The following SLC5A4 variants were observed in gnomAD, a reference collection of about 807,000 sequenced individuals.
SLC5A4 encodes the protein probable glucose sensor protein SLC5A4.
SLC5A4 carries 55 observed loss-of-function variants against 70.3 expected under a neutral mutation model. That is an observed-to-expected ratio of 0.78 (90% confidence interval 0.63 to 0.98). The LOEUF is 0.98. Among genes scored for constraint, SLC5A4 ranks in the 50% least tolerant of loss-of-function variants. The probability of loss-of-function intolerance (pLI) is 0.00; values close to 1 mark genes in which losing one functional copy is unlikely to be tolerated. For synonymous variants in SLC5A4, 268 were observed against 305.7 expected (o/e 0.88, Z 1.29); for missense variants, 735 against 839.2 (o/e 0.88, Z 1.53).
the SLC5A4 span, among the ~76,000 whole-genome samples, chr22:32,345,485 A>G: frequency 3.9e-5 from 6 of 152,326 alleles, no homozygotes; most frequent in Middle Eastern, 6.8e-3. Context: ...TTTAAAAACA[A>G]TAATTTGAGT....
At chr22:32,261,278 C>G in the SLC5A4 span, among the ~76,000 whole-genome samples, 2 of 152,208 alleles carry the variant, frequency 1.3e-5, no homozygotes, top group African/African-American at 4.8e-5. Context: ...GCTCCCTCTG[C>G]CATTGCAACC....
chr22:32,261,758 T>TA, the SLC5A4 span, among the ~76,000 whole-genome samples: 1 of 152,254 alleles, frequency 6.6e-6, no homozygotes, highest in Non-Finnish European at 1.5e-5. Flanking sequence ...TGCTATCAAA[T>TA]AGTATGTTTT....
At chr22:32,289,623 C>G in the SLC5A4 span, among the ~76,000 whole-genome samples, 1 of 152,212 alleles carries the variant, frequency 6.6e-6, no homozygotes, top group Non-Finnish European at 1.5e-5. Context: ...CGTGTGCCAC[C>G]ATGTGCCACC....
intron 5 of SLC5A4, among the ~76,000 whole-genome samples, chr22:32,245,547 G>A (rs770694810): frequency 2.0e-5 from 3 of 152,126 alleles, no homozygotes; most frequent in Non-Finnish European, 2.9e-5. Context: ...TTGAGACGGA[G>A]TCTCGCTCTT....
chr22:32,340,861 A>G, the SLC5A4 span, among the ~76,000 whole-genome samples: 1 of 152,280 alleles, frequency 6.6e-6, no homozygotes, highest in East Asian at 1.9e-4. Flanking sequence ...AATGTTTTTA[A>G]AAGATCGCCC....
the SLC5A4 span, among the ~76,000 whole-genome samples, chr22:32,264,958 A>G: frequency 5.4e-4 from 83 of 152,306 alleles, no homozygotes; most frequent in African/African-American, 1.7e-3. Context: ...GAAATGTTTG[A>G]AAATGCCCAT....
At chr22:32,271,399 A>T in the SLC5A4 span, 1 of 766,176 alleles carries the variant, frequency 1.3e-6, no homozygotes, top group Non-Finnish European at 2.4e-6. Flanking sequence ...CTGCTGGTGC[A>T]TGTGGACCAA....
At chr22:32,258,775 C>G (rs896050800), upstream of SLC5A4, among the ~76,000 whole-genome samples, 3 of 152,166 alleles carry the variant, frequency 2.0e-5, no homozygotes, top group African/African-American at 7.2e-5. Context: ...GATATATCTG[C>G]ACACCCATGT....
chr22:32,336,088 T>A, the SLC5A4 span, among the ~76,000 whole-genome samples: 1 of 152,202 alleles, frequency 6.6e-6, no homozygotes, highest in Non-Finnish European at 1.5e-5. Context: ...AATAAATTCC[T>A]TATCCACTTG....
the SLC5A4 span, among the ~76,000 whole-genome samples, chr22:32,267,476 T>C: frequency 2.0e-5 from 3 of 152,294 alleles, no homozygotes; most frequent in East Asian, 5.8e-4. Context: ...AGCATGAAAT[T>C]AACTTTAAGA....
At chr22:32,238,683 T>C (rs1198221070) in intron 6 of SLC5A4, among the ~76,000 whole-genome samples, 4 of 152,168 alleles carry the variant, frequency 2.6e-5, no homozygotes, top group African/African-American at 9.7e-5. Flanking sequence ...ACCGTCTGTG[T>C]GGATGATATG....
At chr22:32,331,612 T>C in the SLC5A4 span, among the ~76,000 whole-genome samples, 1 of 152,074 alleles carries the variant, frequency 6.6e-6, no homozygotes, top group East Asian at 1.9e-4. Context: ...ACAAAGCTAT[T>C]TGGTGCCAGC....
At chr22:32,315,870 T>G in the SLC5A4 span, among the ~76,000 whole-genome samples, 1 of 147,836 alleles carries the variant, frequency 6.8e-6, no homozygotes, top group Non-Finnish European at 1.5e-5. Context: ...CAAGGTTTCA[T>G]AGAAAAGGAT....
At chr22:32,298,887 A>G in the SLC5A4 span, among the ~76,000 whole-genome samples, 1 of 101,748 alleles carries the variant, frequency 9.8e-6, no homozygotes, top group Non-Finnish European at 2.0e-5. Context: ...TTGTCTGTAA[A>G]GTATTTTATT....
chr22:32,308,129 G>A, the SLC5A4 span, among the ~76,000 whole-genome samples: 37 of 152,184 alleles, frequency 2.4e-4, no homozygotes, highest in South Asian at 1.5e-3. Context: ...GCACTGGTAC[G>A]ATCTCAGCTC....
chr22:32,301,576 A>G, the SLC5A4 span, among the ~76,000 whole-genome samples: 8 of 152,228 alleles, frequency 5.3e-5, no homozygotes, highest in African/African-American at 1.9e-4. Flanking sequence ...TAATATTGTT[A>G]ATGTGACAAT....
At chr22:32,285,189 A>AT in the SLC5A4 span, 1 of 152,078 alleles carries the variant, frequency 6.6e-6, no homozygotes, top group Non-Finnish European at 1.5e-5. Flanking sequence ...GTGTATATGC[A>AT]TTTTTCCCCT....
chr22:32,270,828 A>G, the SLC5A4 span: 1 of 570,894 alleles, frequency 1.8e-6, no homozygotes, highest in Non-Finnish European at 3.2e-6. Context: ...GCACACTCCT[A>G]TAGTGGCTGC....
At chr22:32,297,368 T>C in the SLC5A4 span, among the ~76,000 whole-genome samples, 1 of 151,702 alleles carries the variant, frequency 6.6e-6, no homozygotes, top group Non-Finnish European at 1.5e-5. Context: ...AACTTCTTCC[T>C]GGTTTAGTCT....
Sources: allele counts gnomAD v4.1 joint callset (sites outside exome capture counted in the v4.1 genomes callset), GRCh38; gene constraint gnomAD v4.1.1; transcripts MANE v1.5; gene names NCBI Gene and HGNC (gene_info 2026-07-23, HGNC 2026-07-21).